The following CRELD2 variants were observed in gnomAD, a reference collection of about 807,000 sequenced individuals.
CRELD2 encodes the protein protein disulfide isomerase CRELD2.
A neutral mutation model predicts 48.1 loss-of-function variants in CRELD2; 33 were observed. That is an observed-to-expected ratio of 0.69 (90% CI 0.52 to 0.92). The LOEUF is 0.92. Ranked by LOEUF, CRELD2 falls within the 40% of genes least tolerant of loss-of-function variation. CRELD2 has a pLI of 0.00. For synonymous variants in CRELD2, 220 were observed against 203.9 expected (o/e 1.08, Z -0.67); for missense variants, 477 against 482.4 (o/e 0.99, Z 0.10).
chr22:49,921,322 G>A (rs139946841), intron 4 of CRELD2: 5,241 of 504,502 alleles, frequency 0.01, 144 homozygotes, highest in Admixed American at 0.041. Context: ...TGCTATGCAG[G>A]GTCCCTTGTT....
At chr22:49,923,396 C>T (rs1477926119) in intron 7 of CRELD2, 79 bp downstream of exon 7, 19 of 1,062,252 alleles carry the variant, frequency 1.8e-5, no homozygotes, top group Non-Finnish European at 2.6e-5. Flanking sequence ...TTTATGGCTT[C>T]TTAGTGTCAC....
chr22:49,919,175 C>T (rs905187509), intron 1 of CRELD2, 55 bp from the exon 2 acceptor site: 2 of 1,565,174 alleles, frequency 1.3e-6, no homozygotes, highest in South Asian at 1.1e-5. Context: ...GGCTCGCCCC[C>T]ACCCTGGACC....
chr22:49,924,126 A>C (rs1024245329), intron 7 of CRELD2: 2 of 412,282 alleles, frequency 4.9e-6, no homozygotes, highest in East Asian at 8.6e-5. Flanking sequence ...AGTTTCTCCC[A>C]AAGAGTTCCA....
At position 49,923,276 on chromosome 22, in the gene CRELD2, C is replaced by T. The variant is rs545457703; in HGVS notation, c.731C>T (p.Ala244Val). Residue 244 changes from alanine to valine, a missense_variant, in exon 7 of 10, where the codon GCG becomes GTG. Transcript: ENST00000328268. Reference protein sequence around the residue: ...CAAEPPPCSAAQFCKNANGSY... With the variant: ...CAAEPPPCSAVQFCKNANGSY... ...GCCGAGCCGCCTCCCTGCAGCGCTGCGCAGTTCTGTAAGAACGCCAACGGC... is the reference window on the plus strand; with the variant it reads ...GCCGAGCCGCCTCCCTGCAGCGCTGTGCAGTTCTGTAAGAACGCCAACGGC... The T allele has an allele frequency of 4.0e-5, 64 of 1,609,398 alleles. No homozygotes were observed. The East Asian group carries it at 1.1e-3, about 27-fold the overall frequency.
chr22:49,922,751 G>T, intron 6 of CRELD2, 44 bp downstream of exon 6: 1 of 1,146,880 alleles, frequency 8.7e-7, no homozygotes, highest in Non-Finnish European at 1.2e-6. Context: ...TGCGTGAGGC[G>T]TGGGGGGTGT....
intron 9 of CRELD2, chr22:49,926,308 G>A (rs1569189187): frequency 6.6e-6 from 1 of 152,246 alleles, no homozygotes; most frequent in Non-Finnish European, 1.5e-5. Context: ...GTGTTTTGGG[G>A]GACATAAATC....
chr22:49,919,179 C>T (rs752451279), intron 1 of CRELD2, 51 bp from the exon 2 acceptor site: 6 of 1,581,502 alleles, frequency 3.8e-6, no homozygotes, highest in African/African-American at 2.7e-5. Context: ...CGCCCCCACC[C>T]TGGACCCGGG....
chr22:49,922,882 GTGT>G (rs2060713152), intron 6 of CRELD2, among the ~76,000 whole-genome samples, 175 bp downstream of exon 6: 2 of 107,794 alleles, frequency 1.9e-5, no homozygotes, highest in African/African-American at 7.9e-5. Context: ...GGGGCGTGAG[GTGT>G]GGGGGAGCAT....
At chr22:49,927,191 G>A in intron 9 of CRELD2, 64 bp from the exon 10 acceptor site, 1 of 1,430,372 alleles carries the variant, frequency 7.0e-7, no homozygotes, top group Non-Finnish European at 9.9e-7. Flanking sequence ...GCTGTCCTGG[G>A]AAAGGCCTCA....
Position 49,927,295 on chromosome 22 carries a change from C to A in CRELD2, c.1050C>A (p.Arg350=). 1 of 1,611,896 alleles carries A rather than the reference C, an allele frequency of 6.2e-7. No homozygotes were observed. The highest frequency in any genetic ancestry group is 8.5e-7 in the Non-Finnish European group (1 of 1,179,444). ...AAAGCCCGACACAGCTGCCCTCCCG[C>A]GAAGACCTGTAATGTGCCGGACTTA... is the stretch of plus-strand genomic sequence containing the variant. The part of the protein sequence containing the change: ...EGESPTQLPS[R]EDL Residue 350 remains arginine, a synonymous_variant, in exon 10 of 10, where the codon CGC becomes CGA. Coordinates refer to ENST00000328268, the MANE Select transcript of CRELD2 (RefSeq NM_024324.5).
intron 4 of CRELD2, 155 bp from the exon 5 acceptor site, chr22:49,921,430 G>A: frequency 1.3e-6 from 1 of 784,394 alleles, no homozygotes; most frequent in Non-Finnish European, 2.0e-6. Context: ...GCAGACCCAG[G>A]AAATCAGTTT....
At chr22:49,926,367 A>G (rs2060763959) in intron 9 of CRELD2, 1 of 152,228 alleles carries the variant, frequency 6.6e-6, no homozygotes, top group African/African-American at 2.4e-5. Context: ...AGTGGGAAAG[A>G]AGCAGTGTTC....
chr22:49,919,308 T>G lies in CRELD2; in HGVS notation c.208T>G (p.Ser70Ala). ...GGAAAAGACGCTGTCCAAGTACGAGTCCAGGTGGGTGCCCTGGAGCACCCC... is the reference window on the plus strand; with the variant it reads ...GGAAAAGACGCTGTCCAAGTACGAGGCCAGGTGGGTGCCCTGGAGCACCCC... Reference protein sequence around the residue: ...WEEKTLSKYESSEIRLLEILE... With the variant: ...WEEKTLSKYEASEIRLLEILE... The change falls in exon 2 of 10, where the codon TCC (serine) becomes GCC (alanine). Residue 70 changes from serine to alanine, a missense_variant. Transcript: ENST00000328268. 1 of 1,613,412 alleles carries G rather than the reference T, an allele frequency of 6.2e-7. No individual in the cohort carries two copies. The highest frequency in any genetic ancestry group is 8.5e-7 in the Non-Finnish European group (1 of 1,179,878).
intron 8 of CRELD2, 103 bp from the exon 9 acceptor site, chr22:49,925,314 G>A (rs977257812): frequency 1.4e-5 from 11 of 808,898 alleles, no homozygotes; most frequent in African/African-American, 8.6e-5. Context: ...GTTTGTCATC[G>A]TTGTGCTTTC....
At chr22:49,923,582 C>T in intron 7 of CRELD2, 1 of 576,888 alleles carries the variant, frequency 1.7e-6, no homozygotes, top group Non-Finnish European at 3.2e-6. Context: ...CCCCAGCGCC[C>T]CCGCAACGTG....
In CRELD2 at chr22:49,925,527, G is replaced by A; in HGVS notation, c.979G>A (p.Glu327Lys). 2 of 1,613,878 alleles carry A rather than the reference G, an allele frequency of 1.2e-6. No homozygotes were observed. The highest frequency in any genetic ancestry group is 1.1e-5 in the South Asian group (1 of 91,084). ...GTGTCCTGACGGCTTCGAAGAAACG[G>A]AAGATGCCTGTGTGCCGCCGGCAGA... ...CVCPDGFEETEDACVPPAEAE... is the reference protein window; with the variant it reads ...CVCPDGFEETKDACVPPAEAE... The change falls in exon 9 of 10, where the codon GAA (glutamate) becomes AAA (lysine). Residue 327 changes from glutamate to lysine, a missense_variant. By Grantham distance (56) the Glu-to-Lys change is moderately conservative (BLOSUM62 1). Transcript: ENST00000328268.
chr22:49,918,780 C>G lies in CRELD2; in HGVS notation c.11C>G (p.Pro4Arg), dbSNP rs763027753. The G allele has an allele frequency of 4.5e-5, 56 of 1,257,164 alleles. No individual in the cohort carries two copies. Among genetic ancestry groups the G allele is most frequent in the Non-Finnish European group, 5.3e-5 (52 of 984,574 alleles). The allele number at this position is 1,257,164 out of a possible 1,614,324, so 77.9% of individuals were successfully genotyped here. A position where few individuals can be genotyped will look rare whatever the true frequency, so the allele number is the denominator to read the frequency against. ...GCAGCGCTACCCGCCATGCGCCTGC[C>G]GCGCCGGGCCGCGCTGGGGCTCCTG... is the stretch of plus-strand genomic sequence containing the variant. MRL[P>R]RRAALGLLPL... is the part of the protein sequence containing the mutation. Residue 4 changes from proline to arginine, a missense_variant, in exon 1 of 10, where the codon CCG becomes CGG. Coordinates refer to ENST00000328268, the MANE Select transcript of CRELD2 (RefSeq NM_024324.5).
chr22:49,923,355 C>T (rs768440141), intron 7 of CRELD2, 38 bp downstream of exon 7: 28 of 1,421,800 alleles, frequency 2.0e-5, no homozygotes, highest in Non-Finnish European at 2.4e-5. Context: ...CGGGGCCTGC[C>T]GGGTTTCGTT....
At chr22:49,923,046 C>T (rs1173412611) in intron 6 of CRELD2, among the ~76,000 whole-genome samples, 188 bp from the exon 7 acceptor site, 1 of 151,990 alleles carries the variant, frequency 6.6e-6, no homozygotes, top group Non-Finnish European at 1.5e-5. Context: ...GCCATCGCCT[C>T]ATCCCCTCCC....
Sources: gnomAD v4.1 joint callset for allele counts (sites outside exome capture counted in the v4.1 genomes callset) on GRCh38, gnomAD v4.1.1 for gene constraint, MANE v1.5 for transcripts, NCBI Gene and HGNC (gene_info 2026-07-23, HGNC 2026-07-21) for gene names.